Variants in CNTN4 observed in about 807,000 individuals in gnomAD.
CNTN4 encodes contactin-4.
Under a neutral mutation model 122.5 loss-of-function variants are expected in CNTN4, and 77 were observed. That is an observed-to-expected ratio of 0.63 (90% CI 0.52 to 0.76). The LOEUF is 0.76. Ranked by LOEUF, CNTN4 falls within the 30% of genes least tolerant of loss-of-function variation. The probability of loss-of-function intolerance (pLI) is 0.00; values close to 1 mark genes in which losing one functional copy is unlikely to be tolerated. For synonymous variants in CNTN4, 512 were observed against 447.0 expected (o/e 1.15, Z -1.83); for missense variants, 1,256 against 1,259.1 (o/e 1.00, Z 0.04).
chr3:2,549,046 A>G (rs1185470845), intron 3 of CNTN4, among the ~76,000 whole-genome samples: 1 of 152,134 alleles, frequency 6.6e-6, no homozygotes, highest in Non-Finnish European at 1.5e-5. Context: ...ACTTTGCTGA[A>G]GTTGCTGATC....
chr3:2,775,644 T>C (rs796358248), intron 6 of CNTN4, among the ~76,000 whole-genome samples: 1 of 152,010 alleles, frequency 6.6e-6, no homozygotes, highest in Admixed American at 6.6e-5. Flanking sequence ...TGGTCTTGAA[T>C]TGCTGGCCTC....
chr3:2,599,753 A>G (rs190863843), intron 4 of CNTN4, among the ~76,000 whole-genome samples: 13 of 152,288 alleles, frequency 8.5e-5, no homozygotes, highest in Admixed American at 6.5e-4. Context: ...AGCATTATTC[A>G]TTATTGCATT....
intron 14 of CNTN4, among the ~76,000 whole-genome samples, chr3:3,012,108 G>A (rs1253669242): frequency 6.6e-6 from 1 of 152,078 alleles, no homozygotes; most frequent in Non-Finnish European, 1.5e-5. Flanking sequence ...TCAAAACTCA[G>A]TTTCTTAGCT....
intron 2 of CNTN4, among the ~76,000 whole-genome samples, chr3:2,116,332 T>A (rs2033349646): frequency 6.6e-6 from 1 of 152,106 alleles, no homozygotes; most frequent in Non-Finnish European, 1.5e-5. Flanking sequence ...ATCATTCCTG[T>A]CCTCAGCTTG....
At chr3:2,782,010 AC>A (rs931578440) in intron 6 of CNTN4, among the ~76,000 whole-genome samples, 14 of 151,566 alleles carry the variant, frequency 9.2e-5, no homozygotes, top group Non-Finnish European at 1.5e-4. Context: ...GGCATGAGCC[AC>A]CGGTAAATTT....
chr3:2,918,849 A>T (rs150882445), intron 12 of CNTN4, among the ~76,000 whole-genome samples: 1 of 152,170 alleles, frequency 6.6e-6, no homozygotes, highest in Non-Finnish European at 1.5e-5. Flanking sequence ...GCCATTCATA[A>T]CCCTATATGA....
intron 3 of CNTN4, among the ~76,000 whole-genome samples, chr3:2,381,204 C>G (rs371534542): frequency 1.3e-5 from 2 of 152,098 alleles, no homozygotes; most frequent in African/African-American, 4.8e-5. Context: ...GATGGGGTTT[C>G]ACCATGTTAG....
intron 8 of CNTN4, among the ~76,000 whole-genome samples, chr3:2,881,468 G>A (rs543645569): frequency 2.6e-4 from 39 of 149,858 alleles, no homozygotes; most frequent in African/African-American, 7.9e-4. Flanking sequence ...AGCCAAAATT[G>A]TACCACAGCA....
At chr3:2,287,632 G>GAGAAGA (rs1210971247) in intron 2 of CNTN4, among the ~76,000 whole-genome samples, 60 of 49,500 alleles carry the variant, frequency 1.2e-3, no homozygotes, top group African/African-American at 3.8e-3. Context: ...GAAGGAGAAG[G>GAGAAGA]AGAAGAAGAA....
At chr3:3,003,175 C>T (rs551694872) in intron 14 of CNTN4, among the ~76,000 whole-genome samples, 3 of 152,236 alleles carry the variant, frequency 2.0e-5, no homozygotes, top group Admixed American at 2.0e-4. Context: ...AAGGTGGTGC[C>T]TTCCTGGGAG....
intron 4 of CNTN4, among the ~76,000 whole-genome samples, chr3:2,663,926 A>G (rs894262784): frequency 6.6e-6 from 1 of 152,188 alleles, no homozygotes; most frequent in Admixed American, 6.5e-5. Context: ...TTCTATTTGT[A>G]TGAAATGTTC....
chr3:2,538,728 T>C (rs2077911045), intron 3 of CNTN4, among the ~76,000 whole-genome samples: 1 of 151,976 alleles, frequency 6.6e-6, no homozygotes, highest in South Asian at 2.1e-4. Context: ...AAAACAGGAA[T>C]GAATAACAAA....
chr3:2,687,881 G>A (rs2085518640), intron 4 of CNTN4, among the ~76,000 whole-genome samples: 1 of 152,078 alleles, frequency 6.6e-6, no homozygotes, highest in African/African-American at 2.4e-5. Flanking sequence ...AGAGGCCAGG[G>A]CAGTGAAACT....
At chr3:2,938,336 T>C (rs2094583857) in intron 13 of CNTN4, among the ~76,000 whole-genome samples, 1 of 148,298 alleles carries the variant, frequency 6.7e-6, no homozygotes, top group Admixed American at 6.7e-5. Flanking sequence ...CCAGCGCTTG[T>C]TTTTTTTTTA....
In CNTN4 at chr3:2,538,528, C is replaced by T. The variant is rs189582486; in HGVS notation, c.-88-32888C>T. ...TTTCCCAAATTAAAAAAAGTTAATCCGTTCACTTTGATATACATTAATATA... is the reference window on the plus strand; with the variant it reads ...TTTCCCAAATTAAAAAAAGTTAATCTGTTCACTTTGATATACATTAATATA... On this transcript the variant is annotated intron_variant, in intron 3 of 24. Coordinates refer to ENST00000418658, the MANE Select transcript of CNTN4 (RefSeq NM_175607.3). 4.5e-4 allele frequency among the ~76,000 whole-genome samples: 69 copies of T among 151,872 alleles called. 2 individuals carry two copies. In the East Asian group the frequency reaches 0.011, roughly 24 times the overall value.
intron 4 of CNTN4, among the ~76,000 whole-genome samples, chr3:2,638,637 C>T (rs2082769758): frequency 1.3e-5 from 2 of 152,048 alleles, no homozygotes; most frequent in African/African-American, 4.8e-5. Flanking sequence ...TATATGAAAA[C>T]TAATATCGTT....
At chr3:2,417,475 G>A (rs569439854) in intron 3 of CNTN4, among the ~76,000 whole-genome samples, 1 of 152,298 alleles carries the variant, frequency 6.6e-6, no homozygotes, top group Admixed American at 6.5e-5. Context: ...CATGAGAAAG[G>A]CTGTGAATTT....
chr3:2,243,829 T>C (rs1180007007), intron 2 of CNTN4, among the ~76,000 whole-genome samples: 3 of 152,092 alleles, frequency 2.0e-5, no homozygotes, highest in African/African-American at 7.2e-5. Context: ...TAATCAGTGT[T>C]GAAGACATTC....
chr3:2,216,306 G>A (rs1239052811), intron 2 of CNTN4, among the ~76,000 whole-genome samples: 1 of 152,132 alleles, frequency 6.6e-6, no homozygotes, highest in Admixed American at 6.5e-5. Flanking sequence ...AATACCACAT[G>A]TTTTCACTTA....
Sources: gnomAD v4.1 joint callset for allele counts (sites outside exome capture counted in the v4.1 genomes callset) on GRCh38, gnomAD v4.1.1 for gene constraint, MANE v1.5 for transcripts, NCBI Gene and HGNC (gene_info 2026-07-23, HGNC 2026-07-21) for gene names.